Variants in DGKD observed in about 807,000 individuals in gnomAD.
The protein encoded by DGKD is diacylglycerol kinase delta.
A neutral mutation model predicts 154.4 loss-of-function variants in DGKD; 68 were observed. The ratio of observed to expected loss-of-function variants is 0.44; its 90% CI spans 0.36 to 0.54. DGKD has a LOEUF of 0.54. Among genes scored for constraint, DGKD ranks in the 20% least tolerant of loss-of-function variants. DGKD has a pLI of 0.00. For missense variants in DGKD, 1,343 were observed against 1,593.6 expected (o/e 0.84, Z 2.68); for synonymous variants, 693 against 638.0 (o/e 1.09, Z -1.30).
rs936743738 is a variant in DGKD at position 233,472,051 on chromosome 2, A to T, written c.*2591A>T. The T allele has an allele frequency of 6.6e-6, 1 of 152,386 alleles. No homozygotes were observed. The highest frequency in any genetic ancestry group is 2.4e-5 in the African/African-American group (1 of 41,458). 9.4% of individuals were successfully genotyped at this position (152,386 alleles called of 1,614,324 possible). A position where few individuals can be genotyped will look rare whatever the true frequency, so the allele number is the denominator to read the frequency against. ...CATAGTCCATACCTGAGTGCTGTACATAAGTTGTTCTGTGTATAAATAAAA... is the reference window on the plus strand; with the variant it reads ...CATAGTCCATACCTGAGTGCTGTACTTAAGTTGTTCTGTGTATAAATAAAA... On this transcript the variant is annotated 3_prime_UTR_variant, in exon 30 of 30. Transcript: ENST00000264057.
chr2:233,424,018 T>TG (rs1283282554), intron 3 of DGKD, among the ~76,000 whole-genome samples: 2 of 151,920 alleles, frequency 1.3e-5, no homozygotes, highest in African/African-American at 2.4e-5. Flanking sequence ...GTGAGAGGAG[T>TG]GGGGAAAAGT....
chr2:233,430,633 CTTGTTTGTAGAT>C lies in DGKD; in HGVS notation c.349-3743_349-3732del, dbSNP rs891715504. ...ATAAAAGCTAGATTTCTAAATCTAC[CTTGTTTGTAGAT>C]TTGACTTTGGAACTCCATCGCTATA... On this transcript the variant is annotated intron_variant, in intron 3 of 29. Coordinates refer to ENST00000264057, the MANE Select transcript of DGKD (RefSeq NM_152879.3). 2.5e-4 allele frequency among the ~76,000 whole-genome samples: 38 copies of C among 152,198 alleles called. 1 individual carries two copies. The highest frequency in any genetic ancestry group is 9.2e-4 in the African/African-American group (38 of 41,522).
chr2:233,397,510 G>A (rs2061443887), intron 3 of DGKD, among the ~76,000 whole-genome samples: 1 of 95,154 alleles, frequency 1.1e-5, no homozygotes, highest in Non-Finnish European at 2.1e-5. Context: ...CGAGGCGAGA[G>A]GACACCAGAG....
At chr2:233,385,873 C>T (rs1484730499) in intron 1 of DGKD, 1 of 450,516 alleles carries the variant, frequency 2.2e-6, no homozygotes, top group African/African-American at 2.1e-5. Flanking sequence ...TTTCCCCAGC[C>T]TTTTCCGCTG....
Position 233,450,747 on chromosome 2 carries a change from T to C in DGKD, c.2039-175T>C, listed in dbSNP as rs2063252234. Among the ~76,000 whole-genome samples, 2 of 152,006 alleles carry C rather than the reference T, an allele frequency of 1.3e-5. 1 individual carries two copies. Among genetic ancestry groups the C allele is most frequent in the South Asian group, 4.1e-4 (2 of 4,826 alleles). ...CTCCATGAGCCCAGCCCCCCAAACA[T>C]GTGCACCCACTCGGTCCTCCGCCCC... On this transcript the variant is annotated intron_variant, in intron 16 of 29. Coordinates refer to ENST00000264057, the MANE Select transcript of DGKD (RefSeq NM_152879.3).
chr2:233,428,726 G>A (rs1026899664), intron 3 of DGKD, among the ~76,000 whole-genome samples: 1 of 152,192 alleles, frequency 6.6e-6, no homozygotes, highest in South Asian at 2.1e-4. Context: ...CCACAGCCCT[G>A]CAGGTTGCTT....
At chr2:233,460,962 A>G (rs1203900441) in intron 24 of DGKD, among the ~76,000 whole-genome samples, 1 of 150,620 alleles carries the variant, frequency 6.6e-6, no homozygotes, top group Non-Finnish European at 1.5e-5. Flanking sequence ...AGCCGCCTTC[A>G]CTTTGCCCTC....
At chr2:233,466,939 G>C (rs1419475889) in intron 27 of DGKD, 147 bp from the exon 28 acceptor site, 2 of 669,818 alleles carry the variant, frequency 3.0e-6, no homozygotes, top group Non-Finnish European at 5.4e-6. Context: ...ATCAATAAGG[G>C]AGAGAAGCCC....
At chr2:233,434,683 T>A in intron 4 of DGKD, 86 bp from the exon 5 acceptor site, 1 of 1,561,072 alleles carries the variant, frequency 6.4e-7, no homozygotes, top group Non-Finnish European at 8.7e-7. Flanking sequence ...CTCTCTTGGA[T>A]ACTTTGTTTA....
intron 1 of DGKD, among the ~76,000 whole-genome samples, chr2:233,373,000 C>T (rs2125402542): frequency 6.6e-6 from 1 of 152,324 alleles, no homozygotes; most frequent in East Asian, 1.9e-4. Flanking sequence ...AGTGTAATGA[C>T]TCAGTGAGTT....
rs915791081 is a variant in DGKD at position 233,464,146 on chromosome 2, T to C, written c.3187-18T>C. On this transcript the variant is annotated intron_variant, in intron 26 of 29. Transcript: ENST00000264057. ...TGCACACTCTCCATTTCTCTCTCCC[T>C]CCCTCCGCCTGGAGCAGCAGCTGGA... 2 of 1,612,938 alleles carry C rather than the reference T, an allele frequency of 1.2e-6. No homozygotes were observed. Among genetic ancestry groups the C allele is most frequent in the Middle Eastern group, 3.3e-4 (2 of 6,084 alleles).
chr2:233,418,965 G>A (rs1330944259), intron 3 of DGKD, among the ~76,000 whole-genome samples: 4 of 152,180 alleles, frequency 2.6e-5, no homozygotes, highest in East Asian at 1.9e-4. Flanking sequence ...TTTGTGTTTT[G>A]TGTGGTGCTC....
chr2:233,385,576 G>A (rs548877168), intron 1 of DGKD, among the ~76,000 whole-genome samples: 2 of 152,190 alleles, frequency 1.3e-5, no homozygotes, highest in Admixed American at 6.5e-5. Context: ...GGCATGGCCC[G>A]AGCGAACTGT....
chr2:233,365,407 T>G (rs186966452), intron 1 of DGKD, among the ~76,000 whole-genome samples: 149 of 152,036 alleles, frequency 9.8e-4, no homozygotes, highest in Non-Finnish European at 1.2e-3. Flanking sequence ...CTTGGCTAAT[T>G]TTTGTATTTT....
chr2:233,375,698 C>T (rs954789845), intron 1 of DGKD, among the ~76,000 whole-genome samples: 3 of 152,184 alleles, frequency 2.0e-5, no homozygotes, highest in Non-Finnish European at 4.4e-5. Flanking sequence ...GTTTCCAAAG[C>T]GCCCTGTCTG....
At chr2:233,437,703 G>T (rs562999062) in intron 8 of DGKD, among the ~76,000 whole-genome samples, 3 of 152,208 alleles carry the variant, frequency 2.0e-5, no homozygotes, top group Non-Finnish European at 2.9e-5. Flanking sequence ...GGCACTTGAC[G>T]TGGAGGTGAT....
At chr2:233,377,025 A>C (rs905553674) in intron 1 of DGKD, among the ~76,000 whole-genome samples, 1 of 150,404 alleles carries the variant, frequency 6.6e-6, no homozygotes, top group African/African-American at 2.4e-5. Context: ...TCTTCTTCAC[A>C]CACAAACAAT....
chr2:233,410,215 GA>G (rs1202704615), intron 3 of DGKD, among the ~76,000 whole-genome samples: 2 of 150,228 alleles, frequency 1.3e-5, no homozygotes, highest in Non-Finnish European at 2.9e-5. Context: ...TTAAGAGGGG[GA>G]TTGGCTTCCA....
intron 18 of DGKD, among the ~76,000 whole-genome samples, chr2:233,453,198 T>C (rs1199879636): frequency 3.3e-5 from 5 of 152,184 alleles, no homozygotes; most frequent in Non-Finnish European, 7.4e-5. Flanking sequence ...GACAAAGCTG[T>C]GCTTTGCTGC....
Sources: allele counts gnomAD v4.1 joint callset (sites outside exome capture counted in the v4.1 genomes callset), GRCh38; gene constraint gnomAD v4.1.1; transcripts MANE v1.5; gene names NCBI Gene and HGNC (gene_info 2026-07-23, HGNC 2026-07-21).